The following TMEM45A variants were observed in gnomAD, a reference collection of about 807,000 sequenced individuals.
TMEM45A encodes the protein transmembrane protein 45A.
TMEM45A carries 25 observed loss-of-function variants against 32.0 expected under a neutral mutation model. That is an observed-to-expected ratio of 0.78 (90% confidence interval 0.57 to 1.09). TMEM45A has a LOEUF of 1.09. Ranked by LOEUF, TMEM45A falls within the 50% of genes least tolerant of loss-of-function variation. The pLI, the probability that TMEM45A is intolerant of heterozygous loss-of-function variation, is 0.00. For synonymous variants in TMEM45A, 122 were observed against 114.8 expected, an observed-to-expected ratio of 1.06 and a Z score of -0.40; for missense variants, 302 against 325.0, an observed-to-expected ratio of 0.93 and a Z score of 0.54.
chr3:100,556,974 T>A lies in TMEM45A; in HGVS notation c.403+2T>A. 6.2e-7 allele frequency: 1 copy of A among 1,613,896 alleles called. No individual in the cohort carries two copies. Among genetic ancestry groups the A allele is most frequent in the East Asian group, 2.2e-5 (1 of 44,882 alleles). On this transcript the variant is annotated splice_donor_variant, in intron 3 of 5. Coordinates refer to ENST00000323523, the MANE Select transcript of TMEM45A (RefSeq NM_018004.3). LOFTEE classifies it high-confidence loss of function. ...TGTCAAATGCCTTATTTGTGGAGGGTAAGTGTTAGTGAGTATTTTCATGTA... is the reference window on the plus strand; with the variant it reads ...TGTCAAATGCCTTATTTGTGGAGGGAAAGTGTTAGTGAGTATTTTCATGTA...
chr3:100,539,376 C>CTTT (rs1393922233), intron 1 of TMEM45A, among the ~76,000 whole-genome samples: 1 of 150,576 alleles, frequency 6.6e-6, no homozygotes. Context: ...ACAGATGGAG[C>CTTT]TGAACAACTG....
chr3:100,516,312 A>G (rs1708261027), intron 1 of TMEM45A, among the ~76,000 whole-genome samples: 1 of 152,154 alleles, frequency 6.6e-6, no homozygotes, highest in African/African-American at 2.4e-5. Context: ...TAATTGTGAT[A>G]AGTGTTGCTG....
chr3:100,509,924 G>A (rs1025365354), intron 1 of TMEM45A, among the ~76,000 whole-genome samples: 1 of 152,304 alleles, frequency 6.6e-6, no homozygotes, highest in East Asian at 1.9e-4. Flanking sequence ...CTTAAAAAAC[G>A]GCGCACCAGG....
intron 1 of TMEM45A, among the ~76,000 whole-genome samples, chr3:100,504,248 A>T (rs1290483938): frequency 2.1e-5 from 3 of 141,674 alleles, no homozygotes; most frequent in Non-Finnish European, 4.6e-5. Context: ...TTATATTTTT[A>T]TAAAAAAAAA....
intron 1 of TMEM45A, among the ~76,000 whole-genome samples, chr3:100,514,152 G>T (rs1708219003): frequency 6.6e-6 from 1 of 152,140 alleles, no homozygotes; most frequent in African/African-American, 2.4e-5. Context: ...AACCAAAAAA[G>T]AGCCCGCATT....
chr3:100,540,937 C>T lies in TMEM45A; in HGVS notation c.-3-14272C>T, dbSNP rs571728041. ...ACAGGAACTGAACTAATTTACATTC[C>T]CACCAGCAGTGTACAAGTGTTCCCT... On this transcript the variant is annotated intron_variant, in intron 1 of 5. Coordinates refer to ENST00000323523, the MANE Select transcript of TMEM45A (RefSeq NM_018004.3). Among the ~76,000 whole-genome samples, 5 of 152,250 alleles carry T rather than the reference C, an allele frequency of 3.3e-5. No individual in the cohort carries two copies. The South Asian group carries it at 1.0e-3, about 32-fold the overall frequency.
chr3:100,551,359 G>A (rs1481598655), intron 1 of TMEM45A, among the ~76,000 whole-genome samples: 3 of 152,144 alleles, frequency 2.0e-5, no homozygotes, highest in Non-Finnish European at 4.4e-5. Flanking sequence ...CAGGTAGGAG[G>A]GTACGGAGGA....
chr3:100,514,624 G>A (rs1190466310), intron 1 of TMEM45A, among the ~76,000 whole-genome samples: 6 of 152,012 alleles, frequency 3.9e-5, no homozygotes, highest in East Asian at 1.9e-4. Flanking sequence ...AAATTGACAA[G>A]TGGGATCTAA....
At chr3:100,496,960 T>A (rs1707938781) in intron 1 of TMEM45A, among the ~76,000 whole-genome samples, 1 of 152,222 alleles carries the variant, frequency 6.6e-6, no homozygotes, top group Non-Finnish European at 1.5e-5. Context: ...CTGGACATGC[T>A]GTGGTTTTGG....
At position 100,555,280 on chromosome 3, in the gene TMEM45A, A is replaced by G. The variant is rs1324539185; in HGVS notation, c.69A>G (p.Thr23=). ...FFFIIGLWWC[T]KSILKYICKK... ...TTATTATTGGTCTTTGGTGGTGTAC[A>G]AAGAGTATTCTGAAGTATATCTGCA... Residue 23 remains threonine, a synonymous_variant, in exon 2 of 6, where the codon ACA becomes ACG. Coordinates refer to ENST00000323523, the MANE Select transcript of TMEM45A (RefSeq NM_018004.3). 1 of 1,614,018 alleles carries G rather than the reference A, an allele frequency of 6.2e-7. No homozygotes were observed. Among genetic ancestry groups the G allele is most frequent in the East Asian group, 2.2e-5 (1 of 44,854 alleles).
intron 1 of TMEM45A, among the ~76,000 whole-genome samples, chr3:100,503,190 C>T (rs1708031519): frequency 6.6e-6 from 1 of 152,180 alleles, no homozygotes. Context: ...ACTGCAGCCT[C>T]CGCCTACTGG....
chr3:100,514,752 T>A (rs1708231675), intron 1 of TMEM45A, among the ~76,000 whole-genome samples: 1 of 152,002 alleles, frequency 6.6e-6, no homozygotes, highest in Non-Finnish European at 1.5e-5. Flanking sequence ...ATATCCAGAA[T>A]CTACAATGAA....
intron 1 of TMEM45A, among the ~76,000 whole-genome samples, chr3:100,511,146 AGAGCAAC>A (rs1322896470): frequency 6.6e-6 from 1 of 151,922 alleles, no homozygotes; most frequent in East Asian, 1.9e-4. Flanking sequence ...CTCCTCGAGA[AGAGCAAC>A]TCCAAGACAC....
intron 1 of TMEM45A, among the ~76,000 whole-genome samples, chr3:100,516,550 C>T (rs1000445984): frequency 1.3e-5 from 2 of 152,126 alleles, no homozygotes; most frequent in Non-Finnish European, 2.9e-5. Context: ...CAGTCTTATT[C>T]CCACGTCCTC....
In TMEM45A at chr3:100,548,645, T is replaced by C. The variant is rs560254028; in HGVS notation, c.-3-6564T>C. Among the ~76,000 whole-genome samples the C allele has an allele frequency of 2.6e-4, 39 of 152,328 alleles. 2 individuals are homozygous for C. Among genetic ancestry groups the C allele is most frequent in the African/African-American group, 7.7e-4 (32 of 41,580 alleles). The stretch of plus-strand genomic sequence containing the variant: ...CATGCCAGTCATCTTAACACCTCCA[T>C]AGAACTTGTAATTAGTTTGTTCCTT... On this transcript the variant is annotated intron_variant, in intron 1 of 5. Coordinates refer to ENST00000323523, the MANE Select transcript of TMEM45A (RefSeq NM_018004.3).
chr3:100,519,725 A>G (rs1705399382), intron 1 of TMEM45A: 2 of 1,069,140 alleles, frequency 1.9e-6, no homozygotes, highest in Admixed American at 2.1e-5. Context: ...GACATTGTGC[A>G]AGTAACTTAT....
chr3:100,534,714 G>A (rs1445199840), intron 1 of TMEM45A, among the ~76,000 whole-genome samples: 2 of 152,172 alleles, frequency 1.3e-5, no homozygotes, highest in Admixed American at 6.5e-5. Flanking sequence ...ATTAAACCAG[G>A]GGTATTTGGT....
chr3:100,509,828 T>A (rs1210769224), intron 1 of TMEM45A, among the ~76,000 whole-genome samples: 1 of 152,172 alleles, frequency 6.6e-6, no homozygotes, highest in East Asian at 1.9e-4. Context: ...GTCAGGGACT[T>A]CCCTTTCCTA....
chr3:100,570,372 G>A (rs901122079), intron 5 of TMEM45A, among the ~76,000 whole-genome samples: 3 of 152,202 alleles, frequency 2.0e-5, no homozygotes, highest in African/African-American at 7.2e-5. Context: ...TGGTGCTGAG[G>A]CACCGGGTGA....
Sources: gnomAD v4.1 joint callset for allele counts (sites outside exome capture counted in the v4.1 genomes callset) on GRCh38, gnomAD v4.1.1 for gene constraint, MANE v1.5 for transcripts, NCBI Gene and HGNC (gene_info 2026-07-23, HGNC 2026-07-21) for gene names.